The following FNDC1 variants were observed in gnomAD, a reference collection of about 807,000 sequenced individuals.
FNDC1 encodes fibronectin type III domain containing 1.
A neutral mutation model predicts 168.0 loss-of-function variants in FNDC1; 96 were observed. The observed-to-expected ratio is 0.57, with a 90% CI of 0.48 to 0.68. FNDC1 has a LOEUF of 0.68. Among genes scored for constraint, FNDC1 ranks in the 30% least tolerant of loss-of-function variants. The probability of loss-of-function intolerance (pLI) is 0.00; values close to 1 mark genes in which losing one functional copy is unlikely to be tolerated. For missense variants in FNDC1, 2,587 were observed against 2,482.1 expected (o/e 1.04, Z -0.90); for synonymous variants, 1,099 against 1,025.9 (o/e 1.07, Z -1.36).
Position 159,271,319 on chromosome 6 carries a change from C to T in FNDC1, c.5570-8C>T. On this transcript the variant is annotated splice_region_variant and splice_polypyrimidine_tract_variant and intron_variant, in intron 22 of 22. Coordinates refer to ENST00000297267, the MANE Select transcript of FNDC1 (RefSeq NM_032532.3). ...TGACGCTTTTCCCCTCTCCTGTTGC[C>T]CTTCCAGGCTACTATCGCCAGTATC... is the stretch of plus-strand genomic sequence containing the variant. The T allele has an allele frequency of 6.3e-7, 1 of 1,592,220 alleles. No homozygotes were observed. Among genetic ancestry groups the T allele is most frequent in the Non-Finnish European group, 8.6e-7 (1 of 1,168,444 alleles).
chr6:159,205,752 T>A (rs932007263), intron 4 of FNDC1, among the ~76,000 whole-genome samples: 1 of 152,236 alleles, frequency 6.6e-6, no homozygotes, highest in African/African-American at 2.4e-5. Flanking sequence ...TAATGAATGA[T>A]GCTAAGCTTT....
intron 17 of FNDC1, among the ~76,000 whole-genome samples, chr6:159,254,087 C>A (rs1401042885): frequency 1.3e-5 from 2 of 152,210 alleles, no homozygotes; most frequent in African/African-American, 2.4e-5. Flanking sequence ...GCTTCCAGGC[C>A]CAGCTTGCCC....
chr6:159,233,151 A>T lies in FNDC1; in HGVS notation c.2639A>T (p.Glu880Val), dbSNP rs1260119733. The T allele has an allele frequency of 6.2e-7, 1 of 1,606,750 alleles. No individual in the cohort carries two copies. The highest frequency in any genetic ancestry group is 2.2e-5 in the East Asian group (1 of 44,576). Residue 880 changes from glutamate to valine, a missense_variant, in exon 11 of 23, where the codon GAG becomes GTG. By Grantham distance (121) the Glu-to-Val change is moderately radical (BLOSUM62 -2). Transcript: ENST00000297267. The surrounding 1 kb of genome is among the most constrained non-coding windows in gnomAD (Gnocchi z 4.6). ...AGCTCAGGTATCCATGGAGACGAGG[A>T]GGATGAGAAGCCGCTTCCTGCCACC... ...KLSSGIHGDE[E>V]DEKPLPATVV...
At chr6:159,258,377 G>A (rs6927642) in intron 18 of FNDC1, among the ~76,000 whole-genome samples, 2,299 of 152,230 alleles carry the variant, frequency 0.015, 64 homozygotes, top group African/African-American at 0.052. Context: ...TATAATGGGG[G>A]ATTTTTTTTC....
At chr6:159,219,933 C>T (rs900381093) in intron 5 of FNDC1, among the ~76,000 whole-genome samples, 1 of 152,108 alleles carries the variant, frequency 6.6e-6, no homozygotes, top group Non-Finnish European at 1.5e-5. Flanking sequence ...TCAATAGCAC[C>T]GAGTAATGAA....
At chr6:159,254,959 G>C (rs1777342422) in intron 17 of FNDC1, among the ~76,000 whole-genome samples, 1 of 152,066 alleles carries the variant, frequency 6.6e-6, no homozygotes, top group Non-Finnish European at 1.5e-5. Context: ...ATTAGATGCT[G>C]TGCTCATCTA....
chr6:159,247,729 AC>A (rs756812979), intron 15 of FNDC1, among the ~76,000 whole-genome samples: 4 of 151,398 alleles, frequency 2.6e-5, no homozygotes, highest in African/African-American at 9.8e-5. Context: ...AGAGAGCAAC[AC>A]CCCATTTCAA....
At chr6:159,181,337 T>A (rs1220494729) in intron 1 of FNDC1, among the ~76,000 whole-genome samples, 2 of 152,224 alleles carry the variant, frequency 1.3e-5, no homozygotes, top group Non-Finnish European at 2.9e-5. Flanking sequence ...TGTGCTGAAC[T>A]GTCAACCTGG....
rs879177350 is a variant in FNDC1 at position 159,251,614 on chromosome 6, G to A, written c.5065+82G>A. On this transcript the variant is annotated intron_variant, in intron 17 of 22. Coordinates refer to ENST00000297267, the MANE Select transcript of FNDC1 (RefSeq NM_032532.3). ...ATAAAGAATGGTGGATGAGTGGATG[G>A]GTGCATGCATGGATGAGTGGGTTGG... is the stretch of plus-strand genomic sequence containing the variant. 7.4e-6 allele frequency: 9 copies of A among 1,219,830 alleles called. No homozygotes were observed. In the East Asian group the frequency reaches 1.3e-4, roughly 17 times the overall value. 75.6% of individuals were successfully genotyped at this position (1,219,830 alleles called of 1,614,324 possible). A position where few individuals can be genotyped will look rare whatever the true frequency, so the allele number is the denominator to read the frequency against.
At chr6:159,265,272 CA>C (rs1246071543) in intron 20 of FNDC1, among the ~76,000 whole-genome samples, 1 of 152,202 alleles carries the variant, frequency 6.6e-6, no homozygotes, top group East Asian at 1.9e-4. Flanking sequence ...ACTTTATTTT[CA>C]TGACCATTTG....
chr6:159,231,776 T>A, intron 10 of FNDC1, 106 bp from the exon 11 acceptor site: 1 of 846,518 alleles, frequency 1.2e-6, no homozygotes, highest in East Asian at 2.7e-5. Context: ...CCATTATGAC[T>A]ACTGATTTGA....
chr6:159,196,516 C>T (rs1384677177), intron 1 of FNDC1, among the ~76,000 whole-genome samples: 1 of 152,162 alleles, frequency 6.6e-6, no homozygotes, highest in Non-Finnish European at 1.5e-5. Context: ...TTCTTCTTCC[C>T]TGAGACTCCA....
chr6:159,248,495 G>A (rs1214457351), intron 15 of FNDC1, among the ~76,000 whole-genome samples: 4 of 151,914 alleles, frequency 2.6e-5, no homozygotes, highest in African/African-American at 4.8e-5. Flanking sequence ...TAGTGGAGAC[G>A]GGCTTTCACC....
chr6:159,191,287 G>A (rs955166171), intron 1 of FNDC1, among the ~76,000 whole-genome samples: 1 of 152,108 alleles, frequency 6.6e-6, no homozygotes, highest in African/African-American at 2.4e-5. Context: ...ATGGGTCCTA[G>A]GAATCAATGA....
intron 4 of FNDC1, among the ~76,000 whole-genome samples, chr6:159,205,412 A>C (rs1343065097): frequency 6.6e-6 from 1 of 151,802 alleles, no homozygotes; most frequent in Non-Finnish European, 1.5e-5. Context: ...GAAGTTGAAA[A>C]CTCTAAACCT....
chr6:159,220,692 A>AT lies in FNDC1; in HGVS notation c.668-899dup, dbSNP rs536512124. Among the ~76,000 whole-genome samples, 3 of 152,220 alleles carry AT rather than the reference A, an allele frequency of 2.0e-5. 1 individual carries two copies. The highest frequency in any genetic ancestry group is 4.2e-4 in the South Asian group (2 of 4,816). ...AGGACAAGTTTTGTTCCATCATTGC[A>AT]TTTTTTTCTTCAAGTGCAATGGCCC... is the stretch of plus-strand genomic sequence containing the variant. On this transcript the variant is annotated intron_variant, in intron 5 of 22. Transcript: ENST00000297267.
In FNDC1 at chr6:159,239,595, A is replaced by G. The variant is rs1429202275; in HGVS notation, c.4259A>G (p.Asn1420Ser). ...GGGCGACATGGCACACCTCTGGCCA[A>G]TGCCCAAGATAAGCCAATTTTGAGT... ...GQGRHGTPLANAQDKPILSLG... is the reference protein window; with the variant it reads ...GQGRHGTPLASAQDKPILSLG... Residue 1420 changes from asparagine to serine, a missense_variant, in exon 14 of 23, where the codon AAT (asparagine) becomes AGT (serine). Coordinates refer to ENST00000297267, the MANE Select transcript of FNDC1 (RefSeq NM_032532.3). 4 of 1,589,274 alleles carry G rather than the reference A, an allele frequency of 2.5e-6. No homozygotes were observed. In the African/African-American group the frequency reaches 4.0e-5, roughly 16 times the overall value.
At chr6:159,259,562 A>C (rs1186381452) in intron 18 of FNDC1, among the ~76,000 whole-genome samples, 1 of 152,174 alleles carries the variant, frequency 6.6e-6, no homozygotes, top group Non-Finnish European at 1.5e-5. Context: ...GGAGCCCCTG[A>C]GTATGCATCC....
At position 159,231,864 on chromosome 6, in the gene FNDC1, C is replaced by G. The variant is rs769040295; in HGVS notation, c.1370-18C>G. On this transcript the variant is annotated intron_variant, in intron 10 of 22. Transcript: ENST00000297267. ...TGAGTTTCTTCTTTGACAGGCAATT[C>G]TTTAAAATCTGTTGCAGCCAGTAAG... The G allele has an allele frequency of 6.4e-7, 1 of 1,566,390 alleles. No homozygotes were observed. The highest frequency in any genetic ancestry group is 1.4e-5 in the African/African-American group (1 of 72,542).
Sources: gnomAD v4.1 joint callset for allele counts (sites outside exome capture counted in the v4.1 genomes callset) on GRCh38, gnomAD v4.1.1 for gene constraint, Gnocchi (gnomAD v3.1) non-coding constraint, MANE v1.5 for transcripts, NCBI Gene and HGNC (gene_info 2026-07-23, HGNC 2026-07-21) for gene names.